The following MEF2C variants were observed in gnomAD, a reference collection of about 807,000 sequenced individuals.
MEF2C encodes the protein myocyte enhancer factor 2C, also known as myocyte-specific enhancer factor 2C.
In MEF2C, 6 loss-of-function variants were observed where a neutral mutation model predicts 50.5. The observed-to-expected ratio is 0.12, with a 90% CI of 0.07 to 0.23. The LOEUF is 0.23. MEF2C is among the 10% of genes least tolerant of loss of function. The pLI is 1.00. For synonymous variants in MEF2C, 183 were observed against 228.0 expected (o/e 0.80, Z 1.78); for missense variants, 276 against 605.0 (o/e 0.46, Z 5.70).
intron 3 of MEF2C, among the ~76,000 whole-genome samples, chr5:88,803,873 A>G (rs1298435923): frequency 6.6e-6 from 1 of 152,228 alleles, no homozygotes; most frequent in Non-Finnish European, 1.5e-5. Context: ...ACTTATGCTA[A>G]CACATCTAAA....
chr5:88,719,669 T>A lies in MEF2C; in HGVS notation c.*2935A>T, dbSNP rs1310797926. 6.6e-6 allele frequency: 1 copy of A among 152,200 alleles called. No individual in the cohort carries two copies. Among genetic ancestry groups the A allele is most frequent in the Non-Finnish European group, 1.5e-5 (1 of 67,996 alleles). 9.4% of individuals were successfully genotyped at this position (152,200 alleles called of 1,614,324 possible). A position where few individuals can be genotyped will look rare whatever the true frequency, so the allele number is the denominator to read the frequency against. On this transcript the variant is annotated 3_prime_UTR_variant, in exon 11 of 11. Coordinates refer to ENST00000504921, the MANE Select transcript of MEF2C (RefSeq NM_002397.5). ...TTTGCAAATACAATAAATGGTAAAT[T>A]ACAGATAAGGTATAAGGGTAAAGAT...
chr5:88,817,064 C>G (rs545007080), intron 2 of MEF2C, among the ~76,000 whole-genome samples: 1 of 152,078 alleles, frequency 6.6e-6, no homozygotes, highest in Non-Finnish European at 1.5e-5. Context: ...GTGGAGACTG[C>G]ATCTTCCATC....
At chr5:88,753,165 T>C (rs1436379324) in intron 4 of MEF2C, among the ~76,000 whole-genome samples, 1 of 152,200 alleles carries the variant, frequency 6.6e-6, no homozygotes, top group African/African-American at 2.4e-5. Flanking sequence ...TTTGGTTGGC[T>C]GGCCTGCATC....
intron 6 of MEF2C, chr5:88,743,272 C>G: frequency 1.0e-6 from 1 of 985,004 alleles, no homozygotes; most frequent in Non-Finnish European, 1.2e-6. Flanking sequence ...AAAATGCAAA[C>G]TTGTTAAAGC....
rs369894601 is a variant in MEF2C at position 88,752,955 on chromosome 5, T to C, written c.403-912A>G. Among the ~76,000 whole-genome samples, 7 of 152,334 alleles carry C rather than the reference T, an allele frequency of 4.6e-5. No individual in the cohort carries two copies. The South Asian group carries it at 6.2e-4, about 14-fold the overall frequency. On this transcript the variant is annotated intron_variant, in intron 4 of 10. Transcript: ENST00000504921. ...AGAACTCATATGGTATCAAAACATA[T>C]GGCATTCTTAATATAAAATGGACAT...
chr5:88,794,093 C>T (rs968269229), intron 3 of MEF2C, among the ~76,000 whole-genome samples: 9 of 152,058 alleles, frequency 5.9e-5, no homozygotes, highest in African/African-American at 1.2e-4. Flanking sequence ...TGAATAGTGC[C>T]GCAATAAACA....
chr5:88,903,447 C>T (rs932483985), intron 1 of MEF2C, among the ~76,000 whole-genome samples: 13 of 151,888 alleles, frequency 8.6e-5, no homozygotes, highest in African/African-American at 3.1e-4. Flanking sequence ...CATGTTCTCT[C>T]TAATCATGTT....
At chr5:88,819,156 A>C (rs1422609086) in intron 2 of MEF2C, among the ~76,000 whole-genome samples, 1 of 151,976 alleles carries the variant, frequency 6.6e-6, no homozygotes, top group Non-Finnish European at 1.5e-5. Context: ...GTGTGTCTCT[A>C]AAAACTATGC....
intron 3 of MEF2C, 198 bp downstream of exon 3, chr5:88,804,400 A>G (rs933609689): frequency 5.3e-6 from 3 of 560,762 alleles, no homozygotes; most frequent in Non-Finnish European, 9.5e-6. Context: ...CATGGTCTCT[A>G]TCATCACATC....
chr5:88,818,230 T>TA (rs1483548738), intron 2 of MEF2C, among the ~76,000 whole-genome samples: 3 of 151,992 alleles, frequency 2.0e-5, no homozygotes, highest in Admixed American at 6.6e-5. Flanking sequence ...TTTGTTAATT[T>TA]AAAAAATTTT....
At chr5:88,793,761 A>G (rs890232170) in intron 3 of MEF2C, among the ~76,000 whole-genome samples, 1 of 152,184 alleles carries the variant, frequency 6.6e-6, no homozygotes, top group Non-Finnish European at 1.5e-5. Context: ...CGTCATCTAC[A>G]TTAGGTATTT....
At chr5:88,826,473 T>G (rs914203264) in intron 1 of MEF2C, among the ~76,000 whole-genome samples, 1 of 151,974 alleles carries the variant, frequency 6.6e-6, no homozygotes, top group Admixed American at 6.6e-5. Flanking sequence ...AAGTAAAGTC[T>G]ATCATGAAAC....
intron 1 of MEF2C, chr5:88,892,379 G>A (rs1375076901): frequency 6.6e-6 from 1 of 152,220 alleles, no homozygotes; most frequent in Non-Finnish European, 1.5e-5. Flanking sequence ...CTTTGTTTAA[G>A]GATTAAATGA....
chr5:88,895,450 A>G (rs1489142824), intron 1 of MEF2C, among the ~76,000 whole-genome samples: 1 of 152,084 alleles, frequency 6.6e-6, no homozygotes, highest in Non-Finnish European at 1.5e-5. Context: ...CCAAGATTTT[A>G]TTTTTTAGTT....
intron 4 of MEF2C, among the ~76,000 whole-genome samples, chr5:88,759,189 A>C (rs1280389535): frequency 1.3e-5 from 2 of 152,236 alleles, no homozygotes; most frequent in Non-Finnish European, 2.9e-5. Flanking sequence ...AGAACTAAAA[A>C]TTGGCCCAAA....
chr5:88,896,702 G>C (rs555774812), intron 1 of MEF2C, among the ~76,000 whole-genome samples: 2 of 152,256 alleles, frequency 1.3e-5, no homozygotes, highest in East Asian at 3.9e-4. Context: ...AAGATTCTAA[G>C]TAAAAGATTT....
At chr5:88,836,014 G>A (rs1814965406) in intron 1 of MEF2C, among the ~76,000 whole-genome samples, 1 of 151,794 alleles carries the variant, frequency 6.6e-6, no homozygotes, top group African/African-American at 2.4e-5. Flanking sequence ...CTTTTTTGGA[G>A]GAAGTTATAA....
At chr5:88,834,462 A>G (rs974586749) in intron 1 of MEF2C, among the ~76,000 whole-genome samples, 3 of 152,194 alleles carry the variant, frequency 2.0e-5, no homozygotes, top group Non-Finnish European at 2.9e-5. Context: ...CATGGACACC[A>G]CTGAAAACAA....
intron 1 of MEF2C, among the ~76,000 whole-genome samples, chr5:88,851,273 A>G (rs758078575): frequency 2.0e-4 from 31 of 151,824 alleles, no homozygotes; most frequent in Non-Finnish European, 3.1e-4. Flanking sequence ...TATAATACAT[A>G]TAACACACAA....
Sources: gnomAD v4.1 joint callset for allele counts (sites outside exome capture counted in the v4.1 genomes callset) on GRCh38, gnomAD v4.1.1 for gene constraint, MANE v1.5 for transcripts, NCBI Gene and HGNC (gene_info 2026-07-23, HGNC 2026-07-21) for gene names.